The following LRRC4B variants were observed in gnomAD, a reference collection of about 807,000 sequenced individuals.
The protein encoded by LRRC4B is leucine-rich repeat-containing protein 4B.
A neutral mutation model predicts 7.3 loss-of-function variants in LRRC4B; 1 was observed. The ratio of observed to expected loss-of-function variants is 0.14; its 90% confidence interval spans 0.05 to 0.65. LRRC4B has a LOEUF of 0.65. Among genes scored for constraint, LRRC4B ranks in the 30% least tolerant of loss-of-function variants. LRRC4B has a pLI of 0.84. For synonymous variants in LRRC4B, 500 were observed against 499.2 expected, an observed-to-expected ratio of 1.00 and a Z score of -0.02; for missense variants, 730 against 1,041.6, an observed-to-expected ratio of 0.70 and a Z score of 4.12.
At chr19:50,558,539 A>G (rs867626045) in intron 1 of LRRC4B, among the ~76,000 whole-genome samples, 13 of 152,190 alleles carry the variant, frequency 8.5e-5, no homozygotes, top group Non-Finnish European at 1.8e-4. Context: ...GTATTTCAAT[A>G]TATCAATGCA....
intron 2 of LRRC4B, among the ~76,000 whole-genome samples, chr19:50,525,580 ATTT>A (rs36006616): frequency 8.0e-5 from 10 of 124,730 alleles, no homozygotes; most frequent in African/African-American, 6.1e-5. Flanking sequence ...TAATTTTTGT[ATTT>A]TTTTTTTTTT....
intron 2 of LRRC4B, among the ~76,000 whole-genome samples, chr19:50,546,016 G>A (rs927433167): frequency 7.9e-5 from 12 of 151,038 alleles, no homozygotes; most frequent in Middle Eastern, 3.4e-3. Flanking sequence ...GAGTCACCGC[G>A]CCAGGCTAAA....
intron 2 of LRRC4B, among the ~76,000 whole-genome samples, chr19:50,546,014 G>A (rs942295481): frequency 1.3e-5 from 2 of 150,970 alleles, no homozygotes; most frequent in African/African-American, 2.4e-5. Context: ...ATGAGTCACC[G>A]CGCCAGGCTA....
chr19:50,559,908 C>T (rs546653898), intron 1 of LRRC4B, among the ~76,000 whole-genome samples: 85 of 152,232 alleles, frequency 5.6e-4, no homozygotes, highest in African/African-American at 2.0e-3. Flanking sequence ...CTGAGGCGGG[C>T]AGATCACTTG....
intron 1 of LRRC4B, among the ~76,000 whole-genome samples, chr19:50,550,326 G>A (rs1236246842): frequency 1.3e-5 from 2 of 151,976 alleles, no homozygotes; most frequent in Non-Finnish European, 2.9e-5. Context: ...ACACCAGCAG[G>A]CCCTGCCCCA....
intron 1 of LRRC4B, among the ~76,000 whole-genome samples, chr19:50,554,336 G>A (rs930677328): frequency 2.0e-4 from 31 of 151,920 alleles, no homozygotes; most frequent in African/African-American, 7.5e-4. Context: ...CCAATGTCCC[G>A]GGTCACCCTC....
rs377767004 is a variant in LRRC4B, at chr19:50,548,620, T to C, written c.219A>G (p.Thr73=). ...CSNQASRVIC[T]RRDLAEVPAS... is the part of the protein sequence containing the mutation. ...CTGGGACCTCGGCCAGGTCTCTCCGTGTGCAGATCACCCGGCTGGCCTGGT... is the reference window on the plus strand; with the variant it reads ...CTGGGACCTCGGCCAGGTCTCTCCGCGTGCAGATCACCCGGCTGGCCTGGT... Residue 73 remains threonine, a synonymous_variant, in exon 2 of 3, where the codon ACA becomes ACG. Transcript: ENST00000652263. The surrounding 1 kb of genome is among the most constrained non-coding windows in gnomAD (Gnocchi z 6.8). The C allele has an allele frequency of 6.3e-6, 10 of 1,596,736 alleles. No individual in the cohort carries two copies. The African/African-American group carries it at 1.3e-4, about 21-fold the overall frequency.
chr19:50,517,487 G>A lies in LRRC4B; in HGVS notation c.*84C>T. On this transcript the variant is annotated 3_prime_UTR_variant, in exon 3 of 3. Coordinates refer to ENST00000652263, the MANE Select transcript of LRRC4B (RefSeq NM_001080457.2). This position sits in a 1 kb window ranked among gnomAD's most constrained non-coding sequence, Gnocchi z 6.6. ...TCCCAGAAGGTGGGCTGGGCTGTGGGAGGGAGGGGTCCCGGTCAGGCTGCG... is the reference window on the plus strand; with the variant it reads ...TCCCAGAAGGTGGGCTGGGCTGTGGAAGGGAGGGGTCCCGGTCAGGCTGCG... 1 of 1,235,170 alleles carries A rather than the reference G, an allele frequency of 8.1e-7. No individual in the cohort carries two copies. Among genetic ancestry groups the A allele is most frequent in the Non-Finnish European group, 1.0e-6 (1 of 956,274 alleles). The allele number at this position is 1,235,170 out of a possible 1,614,324, so 76.5% of individuals were successfully genotyped here. A position where few individuals can be genotyped will look rare whatever the true frequency, so the allele number is the denominator to read the frequency against.
chr19:50,549,663 T>G (rs1200823401), intron 1 of LRRC4B, among the ~76,000 whole-genome samples: 1 of 152,130 alleles, frequency 6.6e-6, no homozygotes, highest in Non-Finnish European at 1.5e-5. Flanking sequence ...AAGGGAGGGC[T>G]GGGAGGCAGC....
intron 1 of LRRC4B, among the ~76,000 whole-genome samples, chr19:50,554,952 G>A (rs1426129941): frequency 1.3e-5 from 2 of 152,198 alleles, no homozygotes; most frequent in Non-Finnish European, 2.9e-5. Context: ...TGTGTGGGGG[G>A]CAGGGTGCAG....
chr19:50,562,204 G>A (rs554817176), intron 1 of LRRC4B, among the ~76,000 whole-genome samples: 14 of 152,118 alleles, frequency 9.2e-5, no homozygotes, highest in Admixed American at 6.6e-5. Context: ...TTCCCCCTCT[G>A]TAAACTGGGA....
chr19:50,520,203 CAAAAAAAAAAAAA>C (rs1173919963), intron 2 of LRRC4B, among the ~76,000 whole-genome samples: 1 of 9,368 alleles, frequency 1.1e-4, no homozygotes, highest in Non-Finnish European at 1.9e-4. Flanking sequence ...AATACCCTGT[CAAAAAAAAAAAAA>C]AAAAAAAAAA....
At chr19:50,533,716 G>A (rs1981151909) in intron 2 of LRRC4B, among the ~76,000 whole-genome samples, 2 of 152,218 alleles carry the variant, frequency 1.3e-5, no homozygotes, top group African/African-American at 4.8e-5. Context: ...TATTGCCAGA[G>A]CTGTGCTAAA....
chr19:50,518,600 C>T lies in LRRC4B; in HGVS notation c.1113G>A (p.Thr371=), dbSNP rs1398745763. 1.3e-6 allele frequency: 2 copies of T among 1,599,292 alleles called. No individual in the cohort carries two copies. The highest frequency in any genetic ancestry group is 2.2e-5 in the East Asian group (1 of 44,626). ...CYAPVIVEPP[T]DLNVTEGMAA... ...CCATGCCCTCGGTGACGTTGAGGTC[C>T]GTGGGCGGCTCCACGATGACGGGCG... Residue 371 remains threonine, a synonymous_variant, in exon 3 of 3, where the codon ACG becomes ACA. Transcript: ENST00000652263.
At position 50,555,017 on chromosome 19, in the gene LRRC4B, G is replaced by C. The variant is rs1047664982; in HGVS notation, c.-35-6144C>G. Among the ~76,000 whole-genome samples, 1 of 152,142 alleles carries C rather than the reference G, an allele frequency of 6.6e-6. No homozygotes were observed. Among genetic ancestry groups the C allele is most frequent in the African/African-American group, 2.4e-5 (1 of 41,434 alleles). ...CCTTCCTCAGCCCCTGCAGTCACCC[G>C]CACTGCACAGGATATCACACGCCCG... On this transcript the variant is annotated intron_variant, in intron 1 of 2. Coordinates refer to ENST00000652263, the MANE Select transcript of LRRC4B (RefSeq NM_001080457.2). The surrounding 1 kb of genome is among the most constrained non-coding windows in gnomAD (Gnocchi z 5.2).
chr19:50,562,884 A>C (rs1181134690), intron 1 of LRRC4B, among the ~76,000 whole-genome samples: 1 of 150,550 alleles, frequency 6.6e-6, no homozygotes, highest in Non-Finnish European at 1.5e-5. Context: ...GGGATTACAG[A>C]CTCACACCAC....
chr19:50,555,102 C>A lies in LRRC4B; in HGVS notation c.-35-6229G>T, dbSNP rs1002595008. On this transcript the variant is annotated intron_variant, in intron 1 of 2. Coordinates refer to ENST00000652263, the MANE Select transcript of LRRC4B (RefSeq NM_001080457.2). This position sits in a 1 kb window ranked among gnomAD's most constrained non-coding sequence, Gnocchi z 5.2. ...GGCTCCATGGACTGCCCTCTGCCCC[C>A]ACGCACCCCTAGTAGTGATGGGAAA... Among the ~76,000 whole-genome samples the A allele has an allele frequency of 1.3e-5, 2 of 152,224 alleles. No homozygotes were observed. The highest frequency in any genetic ancestry group is 2.9e-5 in the Non-Finnish European group (2 of 68,044).
chr19:50,543,671 G>A (rs563443624), intron 2 of LRRC4B, among the ~76,000 whole-genome samples: 1 of 151,616 alleles, frequency 6.6e-6, no homozygotes, highest in South Asian at 2.1e-4. Flanking sequence ...GGTCAATATG[G>A]TGAAACCCCG....
chr19:50,531,431 A>C (rs1981056071), intron 2 of LRRC4B, among the ~76,000 whole-genome samples: 1 of 152,116 alleles, frequency 6.6e-6, no homozygotes, highest in Non-Finnish European at 1.5e-5. Context: ...GCACGCAGTG[A>C]CCCAGCTGCA....
Sources: gnomAD v4.1 joint callset for allele counts (sites outside exome capture counted in the v4.1 genomes callset) on GRCh38, gnomAD v4.1.1 for gene constraint, Gnocchi (gnomAD v3.1) non-coding constraint, MANE v1.5 for transcripts, NCBI Gene and HGNC (gene_info 2026-07-23, HGNC 2026-07-21) for gene names.